AGAP1: variants seen among roughly 807,000 people sequenced by gnomAD.
AGAP1 encodes arf-GAP with GTPase, ANK repeat and PH domain-containing protein 1.
Under a neutral mutation model 105.3 loss-of-function variants are expected in AGAP1, and 29 were observed. The observed-to-expected ratio is 0.28, with a 90% CI of 0.21 to 0.38. AGAP1 has a LOEUF of 0.38. Ranked by LOEUF, AGAP1 falls within the 10% of genes least tolerant of loss-of-function variation. The pLI, the probability that AGAP1 is intolerant of heterozygous loss-of-function variation, is 1.00. For missense variants in AGAP1, 998 were observed against 1,165.1 expected (o/e 0.86, Z 2.09); for synonymous variants, 509 against 485.9 (o/e 1.05, Z -0.63).
In AGAP1 at chr2:235,729,144, A is replaced by AT. The variant is rs1951807785; in HGVS notation, c.310+11500_310+11501insT. Among the ~76,000 whole-genome samples, 3 of 152,088 alleles carry AT rather than the reference A, an allele frequency of 2.0e-5. No homozygotes were observed. Among genetic ancestry groups the AT allele is most frequent in the African/African-American group, 7.3e-5 (3 of 41,368 alleles). ...GGACAGATAGGGGAATCCCCAGGCC[A>AT]CCTCTGGACCTTGACATTGACTAAT... On this transcript the variant is annotated intron_variant, in intron 3 of 17. Transcript: ENST00000304032. The surrounding 1 kb of genome is among the most constrained non-coding windows in gnomAD (Gnocchi z 5.0).
chr2:235,706,373 C>T (rs1198934898), intron 1 of AGAP1, among the ~76,000 whole-genome samples: 1 of 151,480 alleles, frequency 6.6e-6, no homozygotes, highest in Non-Finnish European at 1.5e-5. Context: ...TACAGGCGCC[C>T]GCCACCACGC....
chr2:235,826,896 T>C (rs1198356092), intron 9 of AGAP1, among the ~76,000 whole-genome samples: 3 of 152,174 alleles, frequency 2.0e-5, no homozygotes, highest in Non-Finnish European at 4.4e-5. Flanking sequence ...TCCAAAGCAA[T>C]GATTTCATAT....
Position 235,662,517 on chromosome 2 carries a change from A to AT in AGAP1, c.164-46643dup, listed in dbSNP as rs66689239. 6.4e-3 allele frequency among the ~76,000 whole-genome samples: 794 copies of AT among 124,600 alleles called. 4 individuals are homozygous for AT. The highest frequency in any genetic ancestry group is 0.034 in the Middle Eastern group (8 of 236). The allele number at this position is 124,600 out of a possible 152,430, so 81.7% of individuals were successfully genotyped here. A position where few individuals can be genotyped will look rare whatever the true frequency, so the allele number is the denominator to read the frequency against. ...CTGTCTGCCTTCATGGAAGTTGGTGATTTTTTTTTTTTTTTTTTTGGCTCT... is the reference window on the plus strand; with the variant it reads ...CTGTCTGCCTTCATGGAAGTTGGTGATTTTTTTTTTTTTTTTTTTTGGCTCT... On this transcript the variant is annotated intron_variant, in intron 1 of 17. Transcript: ENST00000304032. This position sits in a 1 kb window ranked among gnomAD's most constrained non-coding sequence, Gnocchi z 4.2.
rs765282383 is a variant in AGAP1, at chr2:235,927,152, G to A, written c.1325-3613G>A. 3.7e-4 allele frequency among the ~76,000 whole-genome samples: 56 copies of A among 152,284 alleles called. No homozygotes were observed. The highest frequency in any genetic ancestry group is 2.2e-3 in the Admixed American group (34 of 15,296). On this transcript the variant is annotated intron_variant, in intron 11 of 17. Coordinates refer to ENST00000304032, the MANE Select transcript of AGAP1 (RefSeq NM_001037131.3). This position sits in a 1 kb window ranked among gnomAD's most constrained non-coding sequence, Gnocchi z 4.4. ...TCAGTGTAGTCCCGCAGTGGGAAGTGGGTGTGGCTGGGGCTGGGGGGCCTT... is the reference window on the plus strand; with the variant it reads ...TCAGTGTAGTCCCGCAGTGGGAAGTAGGTGTGGCTGGGGCTGGGGGGCCTT...
chr2:235,581,628 A>G (rs1311076313), intron 1 of AGAP1, among the ~76,000 whole-genome samples: 2 of 151,896 alleles, frequency 1.3e-5, no homozygotes, highest in African/African-American at 4.8e-5. Context: ...CAACGTGGTG[A>G]AATTCCGTCT....
chr2:235,946,007 C>A (rs1159485505), intron 12 of AGAP1, among the ~76,000 whole-genome samples: 1 of 151,924 alleles, frequency 6.6e-6, no homozygotes, highest in Non-Finnish European at 1.5e-5. Context: ...TCCCACCAAG[C>A]CCCACCGCCA....
In AGAP1 at chr2:235,760,357, C is replaced by T. The variant is rs539115544; in HGVS notation, c.673+9869C>T. ...TCACGCCACTGCACTCCAGCCTGGG[C>T]GACAGAGCGAGACTCCGTCTCAAAA... On this transcript the variant is annotated intron_variant, in intron 6 of 17. Transcript: ENST00000304032. Among the ~76,000 whole-genome samples, 378 of 152,200 alleles carry T rather than the reference C, an allele frequency of 2.5e-3. 1 individual carries two copies. Among genetic ancestry groups the T allele is most frequent in the Non-Finnish European group, 4.4e-3 (302 of 68,016 alleles).
chr2:235,836,674 A>T (rs1172583501), intron 9 of AGAP1, among the ~76,000 whole-genome samples: 1 of 152,204 alleles, frequency 6.6e-6, no homozygotes, highest in Admixed American at 6.5e-5. Flanking sequence ...ATTTAAAGTT[A>T]ACCAGTTTAA....
chr2:235,531,112 C>T (rs1013123638), intron 1 of AGAP1, among the ~76,000 whole-genome samples: 1 of 152,188 alleles, frequency 6.6e-6, no homozygotes, highest in Non-Finnish European at 1.5e-5. Context: ...CACGTGTCCG[C>T]AAATCTAGAC....
rs977779785 is a variant in AGAP1, at chr2:235,525,240, T to C, written c.163+30391T>C. ...ATACGAGAAAAAGAGGACTGATTTA[T>C]AAAGTGGAGGACTGACACATAATGT... is the stretch of plus-strand genomic sequence containing the variant. On this transcript the variant is annotated intron_variant, in intron 1 of 17. Transcript: ENST00000304032. Among the ~76,000 whole-genome samples the C allele has an allele frequency of 2.0e-5, 3 of 152,226 alleles. No homozygotes were observed. In the East Asian group the frequency reaches 5.8e-4, roughly 29 times the overall value.
Position 235,901,215 on chromosome 2 carries a change from CT to C in AGAP1, c.1156-7520del, listed in dbSNP as rs2051047541. Among the ~76,000 whole-genome samples, 1 of 150,786 alleles carries C rather than the reference CT, an allele frequency of 6.6e-6. No homozygotes were observed. Among genetic ancestry groups the C allele is most frequent in the Non-Finnish European group, 1.5e-5 (1 of 67,842 alleles). On this transcript the variant is annotated intron_variant, in intron 10 of 17. Coordinates refer to ENST00000304032, the MANE Select transcript of AGAP1 (RefSeq NM_001037131.3). The surrounding 1 kb of genome is among the most constrained non-coding windows in gnomAD (Gnocchi z 4.3). ...TATATATGTCTTTATGATTAGTTTC[CT>C]TTGAATATAATATTAAATGGAGTTT...
chr2:235,913,791 A>T (rs997447228), intron 11 of AGAP1, among the ~76,000 whole-genome samples: 10 of 152,336 alleles, frequency 6.6e-5, no homozygotes, highest in Middle Eastern at 3.4e-3. Flanking sequence ...CGAGGCTGTG[A>T]TACGGGCACG....
rs1945741130 is a variant in AGAP1, at chr2:235,601,824, C to G, written c.163+106975C>G. 1.3e-5 allele frequency among the ~76,000 whole-genome samples: 2 copies of G among 152,286 alleles called. No individual in the cohort carries two copies. The highest frequency in any genetic ancestry group is 4.8e-5 in the African/African-American group (2 of 41,552). On this transcript the variant is annotated intron_variant, in intron 1 of 17. Transcript: ENST00000304032. The surrounding 1 kb of genome is among the most constrained non-coding windows in gnomAD (Gnocchi z 4.4). The stretch of plus-strand genomic sequence containing the variant: ...TCTTTTAAAGTTAATTACTTCCCAG[C>G]AGGCCCTGTTTTTCTGGTACAGTCA...
intron 9 of AGAP1, among the ~76,000 whole-genome samples, chr2:235,870,627 GAAA>G (rs559200016): frequency 2.1e-5 from 3 of 140,678 alleles, no homozygotes; most frequent in African/African-American, 7.8e-5. Flanking sequence ...ACTCCATCTG[GAAA>G]AAAAAAAAAA....
Position 235,968,472 on chromosome 2 carries a change from G to C in AGAP1, c.1494G>C (p.Leu498=). ...ANSAISSDTG[L]GDSVCSSPSI... Reference sequence around the variant, plus strand: ...CCGGTCCAATGGCAGACACAGGGCTGGGTGACTCCGTATGCTCCAGCCCCA... The same window carrying C: ...CCGGTCCAATGGCAGACACAGGGCTCGGTGACTCCGTATGCTCCAGCCCCA... Residue 498 remains leucine, a synonymous_variant, in exon 13 of 18, where the codon CTG becomes CTC. Coordinates refer to ENST00000304032, the MANE Select transcript of AGAP1 (RefSeq NM_001037131.3). 6.3e-7 allele frequency: 1 copy of C among 1,596,680 alleles called. No homozygotes were observed. The highest frequency in any genetic ancestry group is 8.5e-7 in the Non-Finnish European group (1 of 1,173,922).
chr2:235,764,706 T>C (rs560792675), intron 6 of AGAP1, among the ~76,000 whole-genome samples: 4,536 of 109,272 alleles, frequency 0.042, 398 homozygotes, highest in African/African-American at 0.14. Context: ...GGTGGGGGCA[T>C]CTGGGAGCGC....
intron 11 of AGAP1, among the ~76,000 whole-genome samples, chr2:235,923,563 T>C (rs767837984): frequency 6.1e-5 from 8 of 131,170 alleles, no homozygotes; most frequent in African/African-American, 8.5e-5. Flanking sequence ...GATTTCTCAC[T>C]CCGTAGATGG....
chr2:236,010,927 G>A (rs532869994), intron 13 of AGAP1, among the ~76,000 whole-genome samples: 1 of 152,222 alleles, frequency 6.6e-6, no homozygotes, highest in Non-Finnish European at 1.5e-5. Flanking sequence ...GGCACTCGTG[G>A]TCCCAGCTAC....
intron 1 of AGAP1, among the ~76,000 whole-genome samples, chr2:235,520,203 T>C (rs1452289140): frequency 6.6e-6 from 1 of 152,182 alleles, no homozygotes; most frequent in Non-Finnish European, 1.5e-5. Flanking sequence ...CTTTAGAAAA[T>C]GAACAGTTCC....
Sources: gnomAD v4.1 joint callset for allele counts (sites outside exome capture counted in the v4.1 genomes callset) on GRCh38, gnomAD v4.1.1 for gene constraint, Gnocchi (gnomAD v3.1) non-coding constraint, MANE v1.5 for transcripts, NCBI Gene and HGNC (gene_info 2026-07-23, HGNC 2026-07-21) for gene names.